Variants in KANSL1 observed in about 807,000 individuals in gnomAD.
KANSL1 encodes the protein MLL1/MLL complex subunit KANSL1.
A neutral mutation model predicts 103.6 loss-of-function variants in KANSL1; 22 were observed. The observed-to-expected ratio is 0.21, with a 90% CI of 0.15 to 0.30. The LOEUF is 0.30. Among genes scored for constraint, KANSL1 ranks in the 10% least tolerant of loss-of-function variants. The pLI is 1.00. For missense variants in KANSL1, 1,337 were observed against 1,399.8 expected (o/e 0.96, Z 0.72); for synonymous variants, 600 against 527.6 (o/e 1.14, Z -1.88).
At chr17:46,186,919 G>A (rs1490945312) in intron 1 of KANSL1, among the ~76,000 whole-genome samples, 1 of 151,694 alleles carries the variant, frequency 6.6e-6, no homozygotes, top group Non-Finnish European at 1.5e-5. Flanking sequence ...TTTTTTAGTA[G>A]AGACAGGGTT....
chr17:46,047,715 G>A (rs1437534929), intron 7 of KANSL1, among the ~76,000 whole-genome samples: 1 of 150,926 alleles, frequency 6.6e-6, no homozygotes, highest in Non-Finnish European at 1.5e-5. Context: ...TAGAGCCCAG[G>A]AAGTCAAGGT....
intron 2 of KANSL1, among the ~76,000 whole-genome samples, chr17:46,139,296 C>CA (rs370375207): frequency 0.23 from 32,106 of 138,978 alleles, 4,843 homozygotes; most frequent in East Asian, 0.42. Flanking sequence ...TTTCATAGGC[C>CA]AAAAAAAAAA....
chr17:46,139,092 G>A (rs1424237391), intron 2 of KANSL1, among the ~76,000 whole-genome samples: 1 of 152,170 alleles, frequency 6.6e-6, no homozygotes, highest in African/African-American at 2.4e-5. Context: ...GCAGAAAAAT[G>A]GAAAACCAGA....
At chr17:46,137,296 T>C (rs1302377014) in intron 2 of KANSL1, among the ~76,000 whole-genome samples, 2 of 152,250 alleles carry the variant, frequency 1.3e-5, no homozygotes, top group Non-Finnish European at 1.5e-5. Context: ...TTCTTAAATA[T>C]TTCCAGATAT....
rs1349678512 is a variant in KANSL1 at position 46,031,075 on chromosome 17, G to A, written c.*401C>T. On this transcript the variant is annotated 3_prime_UTR_variant, in exon 15 of 15. Coordinates refer to ENST00000432791, the MANE Select transcript of KANSL1 (RefSeq NM_015443.4). Reference sequence around the variant, plus strand: ...AGGGGGTAAGAGTCCAGAGCACCCTGCCCCATTCCACCCTAGCTCAAGAAG... The same window carrying A: ...AGGGGGTAAGAGTCCAGAGCACCCTACCCCATTCCACCCTAGCTCAAGAAG... 1.5e-5 allele frequency: 3 copies of A among 199,052 alleles called. No individual in the cohort carries two copies. Among genetic ancestry groups the A allele is most frequent in the Non-Finnish European group, 3.1e-5 (3 of 95,274 alleles). 12.3% of individuals were successfully genotyped at this position (199,052 alleles called of 1,614,324 possible).
At chr17:46,155,155 A>ATTTTTTTTTTTTTTTTTTTTTTTTTTT (rs33974360) in intron 2 of KANSL1, among the ~76,000 whole-genome samples, 8 of 103,854 alleles carry the variant, frequency 7.7e-5, no homozygotes, top group Non-Finnish European at 1.3e-4. Flanking sequence ...TCAGCCAGGG[A>ATTTTTTTTTTTTTTTTTTTTTTTTTTT]TTTTTTTTTT....
intron 6 of KANSL1, among the ~76,000 whole-genome samples, chr17:46,051,192 T>C (rs1452411844): frequency 6.6e-6 from 1 of 152,198 alleles, no homozygotes; most frequent in Non-Finnish European, 1.5e-5. Context: ...TCACACCTCT[T>C]CTTCAAAAGA....
At chr17:46,096,302 C>CTTTTTTTTTTTTTTTTTTTTT (rs1273083741) in intron 2 of KANSL1, among the ~76,000 whole-genome samples, 1 of 82,564 alleles carries the variant, frequency 1.2e-5, no homozygotes, top group East Asian at 5.9e-4. Flanking sequence ...ACATACCTGG[C>CTTTTTTTTTTTTTTTTTTTTT]TTTTTTTTCT....
chr17:46,131,507 C>T (rs1045934211), intron 2 of KANSL1, among the ~76,000 whole-genome samples: 6 of 152,212 alleles, frequency 3.9e-5, no homozygotes, highest in African/African-American at 1.4e-4. Context: ...AACTGGTACA[C>T]CCTATGCCTG....
chr17:46,033,917 C>T (rs1463165581), intron 11 of KANSL1, among the ~76,000 whole-genome samples: 1 of 152,192 alleles, frequency 6.6e-6, no homozygotes, highest in Non-Finnish European at 1.5e-5. Flanking sequence ...GTTGACAAAA[C>T]CGGTCTCTAG....
At chr17:46,168,060 A>T (rs1440937454) in intron 2 of KANSL1, among the ~76,000 whole-genome samples, 1 of 152,244 alleles carries the variant, frequency 6.6e-6, no homozygotes, top group Non-Finnish European at 1.5e-5. Flanking sequence ...AGCTACTGGA[A>T]GGGTGGGGGG....
chr17:46,188,281 GT>G (rs2047126769), intron 1 of KANSL1, among the ~76,000 whole-genome samples: 1 of 152,198 alleles, frequency 6.6e-6, no homozygotes, highest in African/African-American at 2.4e-5. Flanking sequence ...CCATAGTGTG[GT>G]TCAACTGAGT....
intron 2 of KANSL1, among the ~76,000 whole-genome samples, chr17:46,139,545 G>C (rs906516772): frequency 1.3e-5 from 2 of 152,178 alleles, no homozygotes; most frequent in Non-Finnish European, 2.9e-5. Flanking sequence ...TACTCAGCAC[G>C]AAGAAGCAGA....
At chr17:46,124,647 T>C (rs1417477749) in intron 2 of KANSL1, among the ~76,000 whole-genome samples, 2 of 152,330 alleles carry the variant, frequency 1.3e-5, no homozygotes, top group South Asian at 2.1e-4. Context: ...CACCATTCTA[T>C]TGAGTCACTC....
At chr17:46,150,284 T>TC (rs2045019625) in intron 2 of KANSL1, among the ~76,000 whole-genome samples, 1 of 151,986 alleles carries the variant, frequency 6.6e-6, no homozygotes, top group Non-Finnish European at 1.5e-5. Flanking sequence ...CACCTACATC[T>TC]CCCTTGCTTC....
intron 3 of KANSL1, among the ~76,000 whole-genome samples, chr17:46,086,554 AC>A (rs2079172270): frequency 6.6e-6 from 1 of 152,244 alleles, no homozygotes; most frequent in Non-Finnish European, 1.5e-5. Flanking sequence ...ACGTTCTAAT[AC>A]TGCGGCAAAG....
At chr17:46,162,914 T>TAA (rs1411441761) in intron 2 of KANSL1, among the ~76,000 whole-genome samples, 1 of 152,228 alleles carries the variant, frequency 6.6e-6, no homozygotes, top group Non-Finnish European at 1.5e-5. Context: ...TCCAGGACCT[T>TAA]AGCATGTCTT....
chr17:46,034,042 T>C, intron 11 of KANSL1, 119 bp downstream of exon 11: 1 of 1,254,358 alleles, frequency 8.0e-7, no homozygotes, highest in Non-Finnish European at 1.1e-6. Context: ...AGATAAGAAT[T>C]TCTCTTAATG....
chr17:46,152,193 C>T (rs60988411), intron 2 of KANSL1, among the ~76,000 whole-genome samples: 21,565 of 151,684 alleles, frequency 0.14, 1,750 homozygotes, highest in East Asian at 0.46. Flanking sequence ...CAGATCAATA[C>T]ACAAGTTCCT....
Sources: gnomAD v4.1 joint callset for allele counts (sites outside exome capture counted in the v4.1 genomes callset) on GRCh38, gnomAD v4.1.1 for gene constraint, MANE v1.5 for transcripts, NCBI Gene and HGNC (gene_info 2026-07-23, HGNC 2026-07-21) for gene names.